Variants in STAB2 observed in about 807,000 individuals in gnomAD.
STAB2 encodes the protein stabilin-2.
A neutral mutation model predicts 338.1 loss-of-function variants in STAB2; 288 were observed. The observed-to-expected ratio is 0.85, with a 90% CI of 0.77 to 0.94. The LOEUF is 0.94. STAB2 is among the 40% of genes least tolerant of loss of function. The pLI, the probability that STAB2 is intolerant of heterozygous loss-of-function variation, is 0.00. For synonymous variants in STAB2, 1,202 were observed against 1,193.3 expected, an observed-to-expected ratio of 1.01 and a Z score of -0.15; for missense variants, 3,141 against 3,210.1, an observed-to-expected ratio of 0.98 and a Z score of 0.52.
chr12:103,653,543 G>GATGT (rs1235947611), intron 12 of STAB2, among the ~76,000 whole-genome samples: 1 of 151,738 alleles, frequency 6.6e-6, no homozygotes, highest in Non-Finnish European at 1.5e-5. Flanking sequence ...TGGATGGATG[G>GATGT]ATGGATGGAT....
In STAB2 at chr12:103,725,000, C is replaced by T. The variant is rs867328403; in HGVS notation, c.4709C>T (p.Ala1570Val). 2.5e-6 allele frequency: 4 copies of T among 1,613,810 alleles called. No homozygotes were observed. Among genetic ancestry groups the T allele is most frequent in the East Asian group, 2.2e-5 (1 of 44,876 alleles). The change falls in exon 45 of 69, where the codon GCC becomes GTC. Residue 1570 changes from alanine to valine, a missense_variant. Transcript: ENST00000388887. ...LTKNGGCSEFAICNHTGQVER... is the reference protein window; with the variant it reads ...LTKNGGCSEFVICNHTGQVER... ...AAAAATGGCGGCTGTAGTGAATTTGCCATCTGCAACCACACTGGGCAAGTA... is the reference window on the plus strand; with the variant it reads ...AAAAATGGCGGCTGTAGTGAATTTGTCATCTGCAACCACACTGGGCAAGTA...
At chr12:103,715,712 C>A in intron 42 of STAB2, 103 bp from the exon 43 acceptor site, 2 of 1,304,062 alleles carry the variant, frequency 1.5e-6, no homozygotes, top group South Asian at 1.3e-5. Flanking sequence ...CTTTGACACC[C>A]GCTCCCTTCA....
Position 103,658,683 on chromosome 12 carries a change from C to T in STAB2, c.1735-1648C>T, listed in dbSNP as rs182961263. Among the ~76,000 whole-genome samples the T allele has an allele frequency of 2.5e-3, 378 of 152,184 alleles. 2 individuals are homozygous for T. Among genetic ancestry groups the T allele is most frequent in the Non-Finnish European group, 4.5e-3 (303 of 68,008 alleles). ...CAGAACCAGGACTAGATCTCATGTT[C>T]CTGAAGGCCAGCTCAGTGCTCCTCC... On this transcript the variant is annotated intron_variant, in intron 15 of 68. Transcript: ENST00000388887.
At chr12:103,737,600 C>CTCTT in intron 52 of STAB2, 34 bp from the exon 53 acceptor site, 3 of 1,120,890 alleles carry the variant, frequency 2.7e-6, no homozygotes, top group Non-Finnish European at 1.2e-6. Context: ...CTCTCTCTCT[C>CTCTT]TTTCTCTTTT....
intron 3 of STAB2, among the ~76,000 whole-genome samples, chr12:103,603,000 T>C (rs982904645): frequency 6.6e-6 from 1 of 152,188 alleles, no homozygotes; most frequent in Non-Finnish European, 1.5e-5. Flanking sequence ...TATTTTCTTC[T>C]CAAAGCTTTG....
chr12:103,720,461 C>G (rs998786113), intron 44 of STAB2, among the ~76,000 whole-genome samples: 13 of 152,168 alleles, frequency 8.5e-5, no homozygotes, highest in African/African-American at 2.7e-4. Context: ...GTGCTCTAAG[C>G]TATGTCAGCC....
intron 5 of STAB2, among the ~76,000 whole-genome samples, chr12:103,627,405 A>T (rs1364357363): frequency 6.6e-6 from 1 of 152,220 alleles, no homozygotes. Flanking sequence ...GCTATGGGGC[A>T]TGTCACAGGA....
intron 3 of STAB2, among the ~76,000 whole-genome samples, chr12:103,616,035 C>T (rs1464502665): frequency 2.0e-5 from 3 of 152,168 alleles, no homozygotes; most frequent in Non-Finnish European, 4.4e-5. Flanking sequence ...TCCCCACTCC[C>T]AAGGGATTCC....
chr12:103,615,653 C>G (rs752496716), intron 3 of STAB2, among the ~76,000 whole-genome samples: 2 of 152,094 alleles, frequency 1.3e-5, no homozygotes, highest in Admixed American at 6.6e-5. Context: ...GAAGAAATAC[C>G]CAAGCCTGGG....
At chr12:103,710,750 G>A (rs1051639507) in intron 39 of STAB2, among the ~76,000 whole-genome samples, 1 of 152,158 alleles carries the variant, frequency 6.6e-6, no homozygotes, top group Admixed American at 6.5e-5. Flanking sequence ...GACCACTTTT[G>A]CAGGCCTCTG....
In STAB2 at chr12:103,692,905, C is replaced by A; in HGVS notation, c.3375+16C>A. 1.2e-6 allele frequency: 2 copies of A among 1,603,424 alleles called. No homozygotes were observed. The highest frequency in any genetic ancestry group is 1.7e-6 in the Non-Finnish European group (2 of 1,170,930). On this transcript the variant is annotated intron_variant, in intron 31 of 68. Coordinates refer to ENST00000388887, the MANE Select transcript of STAB2 (RefSeq NM_017564.10). ...CATCAACAAGGTACAAGATTCCATTCTCCTGTGCGTGCAGCATCTCTTTTC... is the reference window on the plus strand; with the variant it reads ...CATCAACAAGGTACAAGATTCCATTATCCTGTGCGTGCAGCATCTCTTTTC...
In STAB2 at chr12:103,755,453, G is replaced by T. The variant is rs761261542; in HGVS notation, c.6866G>T (p.Cys2289Phe). ...AAGAGTGAAATGTGGGATGTCTTCT[G>T]CTATCGGATGAAAGGTAACCGCCCC... ...PNKSEMWDVF[C>F]YRMKDVNCTC... Residue 2289 changes from cysteine to phenylalanine, a missense_variant, in exon 62 of 69, where the codon TGC (cysteine) becomes TTC (phenylalanine). By Grantham distance (205) the Cys-to-Phe change is radical. Coordinates refer to ENST00000388887, the MANE Select transcript of STAB2 (RefSeq NM_017564.10). The T allele has an allele frequency of 1.2e-6, 2 of 1,614,026 alleles. No individual in the cohort carries two copies. Among genetic ancestry groups the T allele is most frequent in the Non-Finnish European group, 1.7e-6 (2 of 1,179,956 alleles).
Position 103,648,869 on chromosome 12 carries a change from G to A in STAB2, c.1174+46G>A, listed in dbSNP as rs748062201. 3 of 1,599,080 alleles carry A rather than the reference G, an allele frequency of 1.9e-6. No individual in the cohort carries two copies. The African/African-American group carries it at 4.0e-5, about 22-fold the overall frequency. Reference sequence around the variant, plus strand: ...ATTTCCACACAAAAGTCCTCTTTCAGGAAAGGGCATCTGCAAGATACAATG... The same window carrying A: ...ATTTCCACACAAAAGTCCTCTTTCAAGAAAGGGCATCTGCAAGATACAATG... On this transcript the variant is annotated intron_variant, in intron 10 of 68. Transcript: ENST00000388887.
intron 44 of STAB2, 67 bp downstream of exon 44, chr12:103,717,908 T>C: frequency 6.4e-7 from 1 of 1,550,860 alleles, no homozygotes; most frequent in Non-Finnish European, 8.9e-7. Context: ...ACCCCACTTC[T>C]CGGGGATGCA....
intron 3 of STAB2, among the ~76,000 whole-genome samples, chr12:103,609,522 T>G (rs1957087184): frequency 1.3e-5 from 2 of 152,186 alleles, no homozygotes; most frequent in Non-Finnish European, 2.9e-5. Flanking sequence ...GCTTGTGATT[T>G]TTGCACATTG....
intron 5 of STAB2, among the ~76,000 whole-genome samples, chr12:103,628,288 T>C (rs1483504529): frequency 1.3e-5 from 2 of 152,192 alleles, no homozygotes; most frequent in Non-Finnish European, 2.9e-5. Flanking sequence ...CCTCAAAGGA[T>C]GTGGTAAATT....
At chr12:103,667,522 C>G (rs934767588) in intron 19 of STAB2, among the ~76,000 whole-genome samples, 1 of 151,908 alleles carries the variant, frequency 6.6e-6, no homozygotes, top group Non-Finnish European at 1.5e-5. Flanking sequence ...ATGATTGTCT[C>G]AGCCCAGGGA....
At chr12:103,677,962 A>G (rs1876541856) in intron 25 of STAB2, among the ~76,000 whole-genome samples, 1 of 152,208 alleles carries the variant, frequency 6.6e-6, no homozygotes, top group African/African-American at 2.4e-5. Context: ...ACTCACTGTC[A>G]TTTAATGGAG....
intron 3 of STAB2, among the ~76,000 whole-genome samples, chr12:103,609,928 G>A (rs1314162259): frequency 6.6e-6 from 1 of 152,156 alleles, no homozygotes; most frequent in Non-Finnish European, 1.5e-5. Context: ...GGCCTTTTCT[G>A]CATCTATTGT....
Sources: gnomAD v4.1 joint callset for allele counts (sites outside exome capture counted in the v4.1 genomes callset) on GRCh38, gnomAD v4.1.1 for gene constraint, MANE v1.5 for transcripts, NCBI Gene and HGNC (gene_info 2026-07-23, HGNC 2026-07-21) for gene names.